HS6ST2: variants seen among roughly 807,000 people sequenced by gnomAD.
HS6ST2 encodes the protein heparan sulfate 6-O-sulfotransferase 2.
In HS6ST2, 17 loss-of-function variants were observed where a neutral mutation model predicts 33.0. The ratio of observed to expected loss-of-function variants is 0.52; its 90% CI spans 0.35 to 0.77. HS6ST2 has a LOEUF of 0.77. Among genes scored for constraint, HS6ST2 ranks in the 30% least tolerant of loss-of-function variants. The pLI is 0.01. For missense variants in HS6ST2, 519 were observed against 551.7 expected, an observed-to-expected ratio of 0.94 and a Z score of 0.59; for synonymous variants, 248 against 237.1, an observed-to-expected ratio of 1.05 and a Z score of -0.42.
At chrX:132,812,417 T>C (rs5930578) in intron 2 of HS6ST2, among the ~76,000 whole-genome samples, 6,037 of 58,882 alleles carry the variant, frequency 0.1, 317 homozygotes, top group African/African-American at 0.27. Flanking sequence ...ATAATAATAA[T>C]AATAATAATA....
intron 2 of HS6ST2, among the ~76,000 whole-genome samples, chrX:132,862,407 T>A (rs1021728969): frequency 2.7e-5 from 3 of 112,054 alleles, no homozygotes; most frequent in Non-Finnish European, 5.6e-5. Context: ...CCATACACTA[T>A]AGGGATAAGG....
intron 4 of HS6ST2, among the ~76,000 whole-genome samples, chrX:132,663,756 C>CACACACACATACTTTCAT (rs1311126786): frequency 8.9e-6 from 1 of 112,151 alleles, no homozygotes; most frequent in Non-Finnish European, 1.9e-5. Context: ...AGAGAACACT[C>CACACACACATACTTTCAT]ACACACACAT....
intron 2 of HS6ST2, among the ~76,000 whole-genome samples, chrX:132,717,575 T>G (rs1273255328): frequency 8.9e-6 from 1 of 112,371 alleles, no homozygotes; most frequent in Non-Finnish European, 1.9e-5. Context: ...ATCTGGATAA[T>G]TAACTTCATT....
At chrX:132,699,927 C>T (rs889623561) in intron 3 of HS6ST2, among the ~76,000 whole-genome samples, 5 of 112,184 alleles carry the variant, frequency 4.5e-5, no homozygotes, top group African/African-American at 9.7e-5. Flanking sequence ...CTCACACAGC[C>T]TCATGTGGAT....
chrX:132,748,568 A>G (rs977549189), intron 2 of HS6ST2, among the ~76,000 whole-genome samples: 2 of 111,073 alleles, frequency 1.8e-5, no homozygotes, highest in Non-Finnish European at 3.8e-5. Context: ...CTGAGTCCTA[A>G]CGCTTGGATC....
chrX:132,668,465 C>G (rs892235053), intron 4 of HS6ST2: 1 of 110,935 alleles, frequency 9.0e-6, no homozygotes, highest in Non-Finnish European at 1.9e-5. Flanking sequence ...TTGCTGAAGC[C>G]AAAGGGAGAG....
chrX:132,746,567 C>T (rs775611363), intron 2 of HS6ST2, among the ~76,000 whole-genome samples: 45 of 112,068 alleles, frequency 4.0e-4, no homozygotes, highest in Non-Finnish European at 2.6e-4. Flanking sequence ...TGAGAAAAAA[C>T]ATTCTGACCT....
At chrX:132,857,898 T>C (rs1318924361) in intron 2 of HS6ST2, among the ~76,000 whole-genome samples, 1 of 112,153 alleles carries the variant, frequency 8.9e-6, no homozygotes, top group Admixed American at 9.4e-5. Flanking sequence ...CATTACACAA[T>C]GTCCTTGTGA....
chrX:132,819,442 C>A (rs2065430188), intron 2 of HS6ST2, among the ~76,000 whole-genome samples: 1 of 111,661 alleles, frequency 9.0e-6, no homozygotes, highest in Non-Finnish European at 1.9e-5. Context: ...TACAGTACAA[C>A]GGTCTGGCAC....
chrX:132,786,633 T>C (rs2065063529), intron 2 of HS6ST2, among the ~76,000 whole-genome samples: 1 of 109,393 alleles, frequency 9.1e-6, no homozygotes, highest in Admixed American at 9.8e-5. Context: ...ACTTTTTTTT[T>C]TTTGACAGAG....
intron 2 of HS6ST2, among the ~76,000 whole-genome samples, chrX:132,804,169 G>A (rs1357794267): frequency 6.2e-5 from 7 of 112,392 alleles, no homozygotes; most frequent in African/African-American, 2.3e-4. Context: ...CAAAAGGACT[G>A]TTGACAGGTT....
intron 2 of HS6ST2, among the ~76,000 whole-genome samples, chrX:132,780,372 G>A (rs1280479477): frequency 9.0e-6 from 1 of 110,696 alleles, no homozygotes; most frequent in Non-Finnish European, 1.9e-5. Context: ...TGATGTGAGC[G>A]CATAATAGCT....
At position 132,958,219 on chromosome X, in the gene HS6ST2, G is replaced by C. The variant is rs917762811; in HGVS notation, c.384C>G (p.His128Gln). Reference protein sequence around the residue: ...GLAALGHSLKHVLGAIFSKIF... With the variant: ...GLAALGHSLKQVLGAIFSKIF... ...TCTTGGAGAAGATCGCACCGAGCAC[G>C]TGCTTCAGCGAGTGGCCCAGGGCGG... The change falls in exon 1 of 5, where the codon CAC (histidine) becomes CAG (glutamine). Residue 128 changes from histidine (H) to glutamine (Q), a missense_variant. By Grantham distance (24) the His-to-Gln change is conservative (BLOSUM62 0). Transcript: ENST00000370833. 3.4e-6 allele frequency: 4 copies of C among 1,169,887 alleles called. No homozygotes were observed. The highest frequency in any genetic ancestry group is 6.1e-5 in the East Asian group (2 of 32,947).
At chrX:132,748,737 G>A (rs1183180763) in intron 2 of HS6ST2, among the ~76,000 whole-genome samples, 1 of 111,230 alleles carries the variant, frequency 9.0e-6, no homozygotes, top group Admixed American at 9.6e-5. Flanking sequence ...CAAGAATCTA[G>A]GACCACAGGT....
Position 132,810,996 on chromosome X carries a change from T to C in HS6ST2, c.948-102502A>G, listed in dbSNP as rs138357721. Among the ~76,000 whole-genome samples the C allele has an allele frequency of 4.5e-3, 511 of 112,351 alleles. 5 individuals carry two copies. Among genetic ancestry groups the C allele is most frequent in the African/African-American group, 0.016 (481 of 30,812 alleles). On this transcript the variant is annotated intron_variant, in intron 2 of 4. Coordinates refer to ENST00000370833, the MANE Select transcript of HS6ST2 (RefSeq NM_001394073.1). Reference sequence around the variant, plus strand: ...ACTTAGTTTTGGGGGTGGCTTGTTATATAGCACAAACTAGCTGATATACCT... The same window carrying C: ...ACTTAGTTTTGGGGGTGGCTTGTTACATAGCACAAACTAGCTGATATACCT...
intron 2 of HS6ST2, among the ~76,000 whole-genome samples, chrX:132,739,330 A>G (rs774550733): frequency 1.8e-5 from 2 of 111,288 alleles, no homozygotes; most frequent in African/African-American, 6.5e-5. Context: ...AGGTCCTTTT[A>G]AGTTCTAACT....
chrX:132,817,582 T>C (rs2065407016), intron 2 of HS6ST2, among the ~76,000 whole-genome samples: 2 of 112,181 alleles, frequency 1.8e-5, no homozygotes, highest in Admixed American at 9.5e-5. Flanking sequence ...GAGTCACACC[T>C]TTGAGAATGA....
chrX:132,958,141 G>C lies in HS6ST2; in HGVS notation c.428+34C>G, dbSNP rs749149939. ...GTACAGCACCTTCGCGCCCTGGCCT[G>C]GGAGCGCGAACCCCGCTTTCACCTA... On this transcript the variant is annotated intron_variant, in intron 1 of 4. Coordinates refer to ENST00000370833, the MANE Select transcript of HS6ST2 (RefSeq NM_001394073.1). The C allele has an allele frequency of 1.3e-4, 142 of 1,090,021 alleles. 1 individual carries two copies. In the South Asian group the frequency reaches 3.2e-3, roughly 25 times the overall value. 89.8% of individuals were successfully genotyped at this position (1,090,021 alleles called of 1,213,427 possible).
chrX:132,709,078 T>A (rs1458552280), intron 2 of HS6ST2, among the ~76,000 whole-genome samples: 2 of 112,212 alleles, frequency 1.8e-5, no homozygotes. Context: ...ACACAAGACA[T>A]CCATCAAAGT....
Sources: gnomAD v4.1 joint callset for allele counts (sites outside exome capture counted in the v4.1 genomes callset) on GRCh38, gnomAD v4.1.1 for gene constraint, MANE v1.5 for transcripts, NCBI Gene and HGNC (gene_info 2026-07-23, HGNC 2026-07-21) for gene names.